SNAPC1: variants seen among roughly 807,000 people sequenced by gnomAD.
SNAPC1 encodes small nuclear RNA activating complex polypeptide 1.
A neutral mutation model predicts 50.1 loss-of-function variants in SNAPC1; 42 were observed. The ratio of observed to expected loss-of-function variants is 0.84; its 90% CI spans 0.65 to 1.08. The LOEUF (loss-of-function observed/expected upper bound fraction) is 1.08, where lower values mean the gene tolerates loss of function less well. Among genes scored for constraint, SNAPC1 ranks in the 50% least tolerant of loss-of-function variants. SNAPC1 has a pLI of 0.00. For synonymous variants in SNAPC1, 164 were observed against 144.2 expected, an observed-to-expected ratio of 1.14 and a Z score of -0.98; for missense variants, 477 against 427.3, an observed-to-expected ratio of 1.12 and a Z score of -1.02.
intron 6 of SNAPC1, among the ~76,000 whole-genome samples, chr14:61,778,463 A>G (rs1177958206): frequency 1.3e-5 from 2 of 152,120 alleles, no homozygotes; most frequent in Non-Finnish European, 2.9e-5. Context: ...AAGCTATTAT[A>G]CTATATACTG....
In SNAPC1 at chr14:61,762,606, A is replaced by T; in HGVS notation, c.128+18A>T. The T allele has an allele frequency of 6.4e-7, 1 of 1,573,294 alleles. No individual in the cohort carries two copies. Among genetic ancestry groups the T allele is most frequent in the Non-Finnish European group, 8.6e-7 (1 of 1,161,296 alleles). ...ATCTTCTGGTGGGTGTTTCTTGTCC[A>T]CCACCCGCCTCTCCCTGCCCGCAGG... is the stretch of plus-strand genomic sequence containing the variant. On this transcript the variant is annotated intron_variant, in intron 1 of 9. Transcript: ENST00000216294.
chr14:61,785,131 G>A (rs558513604), intron 8 of SNAPC1, among the ~76,000 whole-genome samples: 4 of 152,214 alleles, frequency 2.6e-5, no homozygotes, highest in East Asian at 1.9e-4. Context: ...GGCCGGGCGC[G>A]GTGGCCCATG....
intron 8 of SNAPC1, among the ~76,000 whole-genome samples, chr14:61,786,902 C>G (rs1458065283): frequency 6.6e-6 from 1 of 152,192 alleles, no homozygotes; most frequent in East Asian, 1.9e-4. Flanking sequence ...GCCTAAAAAT[C>G]CTTCCACTGC....
chr14:61,782,160 C>G, intron 7 of SNAPC1, 87 bp from the exon 8 acceptor site: 2 of 1,045,376 alleles, frequency 1.9e-6, no homozygotes, highest in Non-Finnish European at 2.8e-6. Flanking sequence ...CTTTCCTCAT[C>G]TTTGATTGTA....
rs1269463622 is a variant in SNAPC1, at chr14:61,768,710, G to A, written c.504G>A (p.Val168=). The A allele has an allele frequency of 7.5e-6, 12 of 1,609,494 alleles. No individual in the cohort carries two copies. The highest frequency in any genetic ancestry group is 1.0e-5 in the Non-Finnish European group (12 of 1,176,816). The change falls in exon 4 of 10, where the codon GTG becomes GTA. Residue 168 remains valine (V), a synonymous_variant. Coordinates refer to ENST00000216294, the MANE Select transcript of SNAPC1 (RefSeq NM_003082.4). ...TEEFKDPSDR[V]MKLITSDVLE... ...AATTTAAGGACCCAAGTGATCGTGTGATGAAACTTATCACTTCTGATGTAT... is the reference window on the plus strand; with the variant it reads ...AATTTAAGGACCCAAGTGATCGTGTAATGAAACTTATCACTTCTGATGTAT...
chr14:61,782,068 G>C (rs1247326449), intron 7 of SNAPC1, among the ~76,000 whole-genome samples, 179 bp from the exon 8 acceptor site: 3 of 152,208 alleles, frequency 2.0e-5, no homozygotes, highest in African/African-American at 7.2e-5. Flanking sequence ...AAAAATAAGA[G>C]ACTATTTACA....
In SNAPC1 at chr14:61,782,385, C is replaced by T; in HGVS notation, c.964C>T (p.Leu322Phe). 6.2e-7 allele frequency: 1 copy of T among 1,607,580 alleles called. No homozygotes were observed. The highest frequency in any genetic ancestry group is 8.5e-7 in the Non-Finnish European group (1 of 1,178,294). Reference sequence around the variant, plus strand: ...GAAACCAGCAGGAAGGAAGATGTCTCTCAGAAACAAAGGTAACTTTTTAAA... The same window carrying T: ...GAAACCAGCAGGAAGGAAGATGTCTTTCAGAAACAAAGGTAACTTTTTAAA... ...RLKPAGRKMS[L>F]RNKGNVQNIH... is the part of the protein sequence containing the mutation. Residue 322 changes from leucine (L) to phenylalanine (F), a missense_variant, in exon 8 of 10, where the codon CTC becomes TTC. Physicochemically the swap from Leu to Phe is conservative, Grantham distance 22. Transcript: ENST00000216294.
chr14:61,774,251 C>T (rs2045017420), intron 4 of SNAPC1, among the ~76,000 whole-genome samples: 1 of 151,208 alleles, frequency 6.6e-6, no homozygotes, highest in African/African-American at 2.4e-5. Flanking sequence ...ATCCTCATGC[C>T]TCAGGCTTCT....
At chr14:61,790,469 G>A (rs1277708009) in intron 8 of SNAPC1, among the ~76,000 whole-genome samples, 1 of 152,194 alleles carries the variant, frequency 6.6e-6, no homozygotes, top group African/African-American at 2.4e-5. Context: ...CCCACTAGCT[G>A]TGATTACAGG....
rs1465911074 is a variant in SNAPC1, at chr14:61,778,850, A to C, written c.765A>C (p.Arg255Ser). Residue 255 changes from arginine (R) to serine (S), a missense_variant and splice_region_variant, in exon 7 of 10, where the codon AGA becomes AGC. Coordinates refer to ENST00000216294, the MANE Select transcript of SNAPC1 (RefSeq NM_003082.4). ...TTTCCTTCTTATTTTACATCCAGAG[A>C]TGTGAAAGGGCAGAATCATTAGCGA... ...KMEGNSQETE[R>S]CERAESLAKI... is the part of the protein sequence containing the mutation. The C allele has an allele frequency of 6.4e-7, 1 of 1,557,684 alleles. No individual in the cohort carries two copies. Among genetic ancestry groups the C allele is most frequent in the Non-Finnish European group, 8.7e-7 (1 of 1,153,452 alleles).
Position 61,782,268 on chromosome 14 carries a change from C to T in SNAPC1, c.847C>T (p.Arg283Cys), listed in dbSNP as rs752838381. The change falls in exon 8 of 10, where the codon CGT (arginine) becomes TGT (cysteine). Residue 283 changes from arginine to cysteine, a missense_variant. By Grantham distance (180) the Arg-to-Cys change is radical. Coordinates refer to ENST00000216294, the MANE Select transcript of SNAPC1 (RefSeq NM_003082.4). ...TAAGGCATCCAAATCAAGAAGGCAT[C>T]GTCAAGTCAAACTCGACTCTTCTGA... ...VIQASKSRRH[R>C]QVKLDSSDSD... is the part of the protein sequence containing the mutation. The T allele has an allele frequency of 3.2e-5, 51 of 1,600,570 alleles. No individual in the cohort carries two copies. The highest frequency in any genetic ancestry group is 4.2e-5 in the Non-Finnish European group (49 of 1,175,614).
chr14:61,790,144 G>A lies in SNAPC1; in HGVS notation c.977-2663G>A, dbSNP rs536186004. 4.2e-4 allele frequency among the ~76,000 whole-genome samples: 64 copies of A among 152,276 alleles called. No individual in the cohort carries two copies. The South Asian group carries it at 8.7e-3, about 21-fold the overall frequency. On this transcript the variant is annotated intron_variant, in intron 8 of 9. Coordinates refer to ENST00000216294, the MANE Select transcript of SNAPC1 (RefSeq NM_003082.4). ...TTGGGGGGAGAATTCGCTCCAGTCCGCCTTGCCAGACTGATTTCTGTAATA... is the reference window on the plus strand; with the variant it reads ...TTGGGGGGAGAATTCGCTCCAGTCCACCTTGCCAGACTGATTTCTGTAATA...
At chr14:61,787,917 C>T (rs2140185129) in intron 8 of SNAPC1, among the ~76,000 whole-genome samples, 1 of 152,154 alleles carries the variant, frequency 6.6e-6, no homozygotes, top group South Asian at 2.1e-4. Context: ...ATGAGCTGGC[C>T]AAGCTGCTTT....
intron 7 of SNAPC1, among the ~76,000 whole-genome samples, chr14:61,781,562 T>A (rs538665041): frequency 3.3e-5 from 5 of 152,186 alleles, no homozygotes; most frequent in African/African-American, 1.2e-4. Flanking sequence ...CACCTACTGA[T>A]GTAACAAAAC....
intron 4 of SNAPC1, among the ~76,000 whole-genome samples, chr14:61,771,626 G>C (rs2044992090): frequency 6.6e-6 from 1 of 152,182 alleles, no homozygotes; most frequent in Non-Finnish European, 1.5e-5. Context: ...AGAGATTGGA[G>C]AGACATAATG....
rs111716826 is a variant in SNAPC1 at position 61,770,346 on chromosome 14, G to A, written c.534+1606G>A. Among the ~76,000 whole-genome samples the A allele has an allele frequency of 8.8e-3, 1,333 of 151,238 alleles. 6 individuals are homozygous for A. Among genetic ancestry groups the A allele is most frequent in the Middle Eastern group, 0.031 (9 of 292 alleles). ...CAACCTCTGCCTCCTAGTTTCAAGT[G>A]ATTCTTGTGTCTCAACCCACTGAGT... On this transcript the variant is annotated intron_variant, in intron 4 of 9. Coordinates refer to ENST00000216294, the MANE Select transcript of SNAPC1 (RefSeq NM_003082.4).
At chr14:61,765,089 A>G (rs2044936998) in intron 1 of SNAPC1, among the ~76,000 whole-genome samples, 1 of 152,162 alleles carries the variant, frequency 6.6e-6, no homozygotes, top group Non-Finnish European at 1.5e-5. Context: ...TTTATCTACT[A>G]ATTTCAGGTC....
intron 8 of SNAPC1, among the ~76,000 whole-genome samples, chr14:61,785,439 C>T (rs982918263): frequency 6.6e-6 from 1 of 152,132 alleles, no homozygotes; most frequent in Non-Finnish European, 1.5e-5. Context: ...CACAAGTTTC[C>T]AAAACTGATG....
At chr14:61,787,755 T>A (rs1005203891) in intron 8 of SNAPC1, among the ~76,000 whole-genome samples, 7 of 152,246 alleles carry the variant, frequency 4.6e-5, no homozygotes, top group Admixed American at 1.3e-4. Flanking sequence ...TAAGCTAGAT[T>A]GCAGTTGGTC....
Sources: gnomAD v4.1 joint callset for allele counts (sites outside exome capture counted in the v4.1 genomes callset) on GRCh38, gnomAD v4.1.1 for gene constraint, MANE v1.5 for transcripts, NCBI Gene and HGNC (gene_info 2026-07-23, HGNC 2026-07-21) for gene names.